LMF1: variants seen among roughly 807,000 people sequenced by gnomAD.
LMF1 encodes the protein transmembrane protein 112.
Under a neutral mutation model 60.6 loss-of-function variants are expected in LMF1, and 68 were observed. The observed-to-expected ratio is 1.12, with a 90% CI of 0.92 to 1.37. The LOEUF (loss-of-function observed/expected upper bound fraction) is 1.37, where lower values mean the gene tolerates loss of function less well. Ranked by LOEUF, LMF1 falls within the 40% of genes most tolerant of loss-of-function variation. The probability of loss-of-function intolerance (pLI) is 0.00; values close to 1 mark genes in which losing one functional copy is unlikely to be tolerated. For missense variants in LMF1, 948 were observed against 767.2 expected, an observed-to-expected ratio of 1.24 and a Z score of -2.78; for synonymous variants, 418 against 324.7, an observed-to-expected ratio of 1.29 and a Z score of -3.09.
At chr16:892,268 A>G (rs11860537) in intron 5 of LMF1, among the ~76,000 whole-genome samples, 64,989 of 152,092 alleles carry the variant, frequency 0.43, 15,848 homozygotes, top group African/African-American at 0.64. Context: ...GTGACGGGCC[A>G]AATGCAGGAA....
chr16:934,391 C>A (rs562245580), intron 2 of LMF1, 137 bp from the exon 3 acceptor site: 1 of 1,068,644 alleles, frequency 9.4e-7, no homozygotes, highest in Non-Finnish European at 1.4e-6. Flanking sequence ...GGAGGACCTG[C>A]CCGCTGGGCA....
At chr16:915,129 A>G (rs565413799) in intron 3 of LMF1, among the ~76,000 whole-genome samples, 9 of 152,320 alleles carry the variant, frequency 5.9e-5, no homozygotes, top group Non-Finnish European at 1.3e-4. Context: ...CACTGATTTA[A>G]AAACAGCTAA....
At chr16:934,428 G>A (rs914912705) in intron 2 of LMF1, 174 bp from the exon 3 acceptor site, 4 of 712,960 alleles carry the variant, frequency 5.6e-6, no homozygotes, top group Admixed American at 4.7e-5. Flanking sequence ...CCCTCCCCAC[G>A]GCTCACACAC....
At chr16:867,072 C>T (rs1261351973) in intron 10 of LMF1, among the ~76,000 whole-genome samples, 3 of 152,206 alleles carry the variant, frequency 2.0e-5, no homozygotes, top group East Asian at 1.9e-4. Flanking sequence ...TGCAGGCCCA[C>T]GGTTAGCCAC....
At chr16:887,213 T>C (rs1235923422) in intron 5 of LMF1, 1 of 152,250 alleles carries the variant, frequency 6.6e-6, no homozygotes, top group African/African-American at 2.4e-5. Context: ...CCTTGCTGGG[T>C]GGGTCCTGGG....
intron 1 of LMF1, among the ~76,000 whole-genome samples, chr16:956,036 A>T (rs1597075008): frequency 7.1e-6 from 1 of 140,992 alleles, no homozygotes. Flanking sequence ...CAGGTCTCTG[A>T]GTTCACGTCT....
chr16:936,376 GGT>G (rs2071946296), intron 2 of LMF1, among the ~76,000 whole-genome samples: 1 of 136,560 alleles, frequency 7.3e-6, no homozygotes, highest in Admixed American at 7.2e-5. Context: ...GGAGAGAGGG[GGT>G]ACCCCGTGGG....
At chr16:884,230 C>T (rs1200589542) in intron 5 of LMF1, 2 of 152,214 alleles carry the variant, frequency 1.3e-5, no homozygotes, top group Non-Finnish European at 2.9e-5. Context: ...TACCTTTCAG[C>T]CTGTGTGTCT....
intron 3 of LMF1, among the ~76,000 whole-genome samples, chr16:926,201 G>T (rs566558381): frequency 6.6e-6 from 1 of 152,042 alleles, no homozygotes; most frequent in Non-Finnish European, 1.5e-5. Context: ...ATCTGCATAC[G>T]TGGGTCTGTG....
intron 10 of LMF1, among the ~76,000 whole-genome samples, chr16:861,271 G>GCTAGCGTACAGGAATACTATTGAAT (rs1364324063): frequency 1.3e-5 from 2 of 151,648 alleles, no homozygotes; most frequent in Admixed American, 1.3e-4. Context: ...TGTGTTCATT[G>GCTAGCGTACAGGAATACTATTGAAT]CTAGCGTACA....
chr16:855,147 C>T lies in LMF1; in HGVS notation c.1530-441G>A, dbSNP rs1330789090. On this transcript the variant is annotated intron_variant, in intron 10 of 10. Transcript: ENST00000262301. Reference sequence around the variant, plus strand: ...GTCTCCACCATCAGGCCAGTCCTGGCGCAAGGTGCCTGGGGGTTTCGGTCC... The same window carrying T: ...GTCTCCACCATCAGGCCAGTCCTGGTGCAAGGTGCCTGGGGGTTTCGGTCC... The T allele has an allele frequency of 1.8e-4, 47 of 267,238 alleles. No individual in the cohort carries two copies. In the Admixed American group the frequency reaches 1.9e-3, roughly 11 times the overall value. The allele number at this position is 267,238 out of a possible 1,614,324, so 16.6% of individuals were successfully genotyped here.
intron 3 of LMF1, among the ~76,000 whole-genome samples, chr16:913,788 G>A (rs1342903153): frequency 6.6e-6 from 1 of 152,098 alleles, no homozygotes; most frequent in East Asian, 1.9e-4. Context: ...GAAGGCTCTG[G>A]ATGTCAGGTC....
chr16:954,211 C>A (rs762558347), intron 2 of LMF1, 146 bp downstream of exon 2: 24 of 892,634 alleles, frequency 2.7e-5, no homozygotes, highest in African/African-American at 1.8e-4. Context: ...GGCCGCTCTG[C>A]CATGGCCTAA....
At chr16:929,650 G>C (rs948834570) in intron 3 of LMF1, among the ~76,000 whole-genome samples, 2 of 152,166 alleles carry the variant, frequency 1.3e-5, no homozygotes, top group Admixed American at 1.3e-4. Flanking sequence ...TCGGGGCTGC[G>C]GAATTCATTA....
At chr16:975,721 T>G (rs1224406546), upstream of LMF1, 1 of 439,796 alleles carries the variant, frequency 2.3e-6, no homozygotes, top group African/African-American at 2.0e-5. Context: ...AAGCCTTCCT[T>G]CCCCACGCTC....
At chr16:971,970 CCT>C (rs1173673483), upstream of LMF1, among the ~76,000 whole-genome samples, 1 of 152,172 alleles carries the variant, frequency 6.6e-6, no homozygotes, top group African/African-American at 2.4e-5. Context: ...TTCTCTTTTG[CCT>C]CTCTAGCTTT....
At chr16:890,173 G>C (rs2070439379) in intron 5 of LMF1, among the ~76,000 whole-genome samples, 1 of 152,216 alleles carries the variant, frequency 6.6e-6, no homozygotes, top group Non-Finnish European at 1.5e-5. Flanking sequence ...CCTGCCCCAG[G>C]AGACACAGTG....
intron 3 of LMF1, among the ~76,000 whole-genome samples, chr16:915,642 G>A (rs2071258943): frequency 6.6e-6 from 1 of 152,218 alleles, no homozygotes. Context: ...GTCAGAGGAT[G>A]GAGGGTCCCA....
intron 5 of LMF1, among the ~76,000 whole-genome samples, chr16:887,655 G>A (rs1441686149): frequency 6.6e-6 from 1 of 152,114 alleles, no homozygotes. Context: ...TGTGTGGTCC[G>A]CCCCACGCAG....
Sources: gnomAD v4.1 joint callset for allele counts (sites outside exome capture counted in the v4.1 genomes callset) on GRCh38, gnomAD v4.1.1 for gene constraint, MANE v1.5 for transcripts, NCBI Gene and HGNC (gene_info 2026-07-23, HGNC 2026-07-21) for gene names.